SKAP2: variants seen among roughly 807,000 people sequenced by gnomAD.
SKAP2 encodes the protein src kinase-associated phosphoprotein 2.
Under a neutral mutation model 54.9 loss-of-function variants are expected in SKAP2, and 28 were observed. The ratio of observed to expected loss-of-function variants is 0.51; its 90% CI spans 0.38 to 0.70. The LOEUF (loss-of-function observed/expected upper bound fraction) is 0.70. SKAP2 is among the 30% of genes least tolerant of loss of function. SKAP2 has a pLI of 0.00. For synonymous variants in SKAP2, 137 were observed against 134.3 expected (o/e 1.02, Z -0.14); for missense variants, 356 against 424.1 (o/e 0.84, Z 1.41).
downstream of SKAP2, among the ~76,000 whole-genome samples, chr7:26,665,276 G>A (rs1786085756): frequency 6.6e-6 from 1 of 152,152 alleles, no homozygotes; most frequent in South Asian, 2.1e-4. Context: ...CTTATTTGAG[G>A]TCACAACACT....
chr7:26,662,461 AC>A (rs749857408), downstream of SKAP2, among the ~76,000 whole-genome samples: 1 of 152,100 alleles, frequency 6.6e-6, no homozygotes, highest in Non-Finnish European at 1.5e-5. Context: ...TAAGAACTGT[AC>A]CAAGGTAAGG....
At chr7:26,690,451 A>C in intron 9 of SKAP2, 89 bp from the exon 10 acceptor site, 4 of 774,054 alleles carry the variant, frequency 5.2e-6, no homozygotes, top group Non-Finnish European at 6.7e-6. Flanking sequence ...CAAAACTAAA[A>C]GTTTATAACA....
At chr7:26,739,029 C>T (rs1201059825) in intron 5 of SKAP2, 151 bp from the exon 6 acceptor site, 7 of 630,000 alleles carry the variant, frequency 1.1e-5, no homozygotes, top group African/African-American at 7.4e-5. Flanking sequence ...CAACAACAAA[C>T]CAACACAGCT....
chr7:26,727,116 T>C (rs1055142112), intron 6 of SKAP2, 110 bp from the exon 7 acceptor site: 1 of 818,250 alleles, frequency 1.2e-6, no homozygotes, highest in Non-Finnish European at 1.9e-6. Flanking sequence ...TTTGGTCATA[T>C]TGCTTTAGTA....
At chr7:26,688,743 T>C (rs1399697675) in intron 10 of SKAP2, among the ~76,000 whole-genome samples, 1 of 152,158 alleles carries the variant, frequency 6.6e-6, no homozygotes, top group Non-Finnish European at 1.5e-5. Flanking sequence ...GGCAAAAATT[T>C]GGGAGATGTT....
At position 26,739,888 on chromosome 7, in the gene SKAP2, T is replaced by G. The variant is rs1209596632; in HGVS notation, c.384A>C (p.Lys128Asn). Reference sequence around the variant, plus strand: ...TTTTCATTAGAACCTTCAGTTTACCTTTTCTGCGTTTTTCAAGGTAGCCAG... The same window carrying G: ...TTTTCATTAGAACCTTCAGTTTACCGTTTCTGCGTTTTTCAAGGTAGCCAG... ...LKAGYLEKRR[K>N]DHSFLGFEWQ... The change falls in exon 5 of 13, where the codon AAA (lysine) becomes AAC (asparagine). Residue 128 changes from lysine to asparagine, a missense_variant and splice_region_variant. Transcript: ENST00000345317. 10 of 1,605,142 alleles carry G rather than the reference T, an allele frequency of 6.2e-6. No homozygotes were observed. Among genetic ancestry groups the G allele is most frequent in the Non-Finnish European group, 6.0e-6 (7 of 1,173,906 alleles).
At chr7:26,699,780 T>C (rs1786983093) in intron 9 of SKAP2, among the ~76,000 whole-genome samples, 1 of 152,162 alleles carries the variant, frequency 6.6e-6, no homozygotes, top group South Asian at 2.1e-4. Context: ...TCTAGGGTAG[T>C]TTTAGTTAAA....
chr7:26,754,869 A>T (rs912719923), intron 4 of SKAP2, among the ~76,000 whole-genome samples: 4 of 152,210 alleles, frequency 2.6e-5, no homozygotes, highest in Admixed American at 2.6e-4. Flanking sequence ...TTTGCTCATA[A>T]ATATGTGAAA....
chr7:26,833,504 T>TACAAAGACATA (rs1250827110), intron 4 of SKAP2, among the ~76,000 whole-genome samples: 4 of 149,068 alleles, frequency 2.7e-5, no homozygotes, highest in Non-Finnish European at 5.9e-5. Context: ...ATACAAAGGG[T>TACAAAGACATA]CAAAATAAAG....
chr7:26,734,915 G>A (rs753449187), intron 6 of SKAP2, among the ~76,000 whole-genome samples: 1 of 152,136 alleles, frequency 6.6e-6, no homozygotes, highest in Admixed American at 6.5e-5. Flanking sequence ...TCACACCATA[G>A]CATTCAACCA....
intron 4 of SKAP2, among the ~76,000 whole-genome samples, chr7:26,743,747 A>G (rs1279511651): frequency 6.6e-6 from 1 of 152,234 alleles, no homozygotes. Flanking sequence ...ACAACTAAGC[A>G]AGGAATGGGT....
intron 4 of SKAP2, among the ~76,000 whole-genome samples, chr7:26,803,947 T>C (rs908803225): frequency 6.6e-6 from 1 of 151,946 alleles, no homozygotes; most frequent in Non-Finnish European, 1.5e-5. Flanking sequence ...ACACGGAGTG[T>C]AGAGGATGGT....
At chr7:26,810,136 GACCAGACTAGCCA>G (rs1251850637) in intron 4 of SKAP2, among the ~76,000 whole-genome samples, 1 of 152,074 alleles carries the variant, frequency 6.6e-6, no homozygotes, top group African/African-American at 2.4e-5. Flanking sequence ...AGGAGTTCAA[GACCAGACTAGCCA>G]ACCTGGCAAG....
At chr7:26,674,929 G>A (rs190774904) in intron 11 of SKAP2, among the ~76,000 whole-genome samples, 160 of 152,300 alleles carry the variant, frequency 1.1e-3, no homozygotes, top group African/African-American at 3.8e-3. Flanking sequence ...TCAGACTGGT[G>A]ATTCGCAGAT....
chr7:26,708,431 T>C (rs1284392192), intron 9 of SKAP2, among the ~76,000 whole-genome samples: 1 of 152,188 alleles, frequency 6.6e-6, no homozygotes, highest in Non-Finnish European at 1.5e-5. Flanking sequence ...GTCTTTTTCT[T>C]ATTAACTCTT....
intron 6 of SKAP2, among the ~76,000 whole-genome samples, chr7:26,731,022 A>G (rs1317015285): frequency 6.6e-6 from 1 of 152,156 alleles, no homozygotes; most frequent in Non-Finnish European, 1.5e-5. Flanking sequence ...ACTTTAACCA[A>G]TTTGCTCACG....
At chr7:26,739,035 C>T (rs956812536) in intron 5 of SKAP2, among the ~76,000 whole-genome samples, 157 bp from the exon 6 acceptor site, 1 of 152,166 alleles carries the variant, frequency 6.6e-6, no homozygotes, top group African/African-American at 2.4e-5. Context: ...CAAACCAACA[C>T]AGCTAAAGGG....
At chr7:26,827,279 T>C (rs749028731) in intron 4 of SKAP2, among the ~76,000 whole-genome samples, 8 of 152,184 alleles carry the variant, frequency 5.3e-5, no homozygotes, top group Non-Finnish European at 7.4e-5. Flanking sequence ...TATGGCATTA[T>C]ATGTTTCCGC....
chr7:26,848,343 T>C (rs917380678), intron 3 of SKAP2, among the ~76,000 whole-genome samples: 4 of 152,146 alleles, frequency 2.6e-5, no homozygotes, highest in African/African-American at 9.7e-5. Context: ...TCCAAAATGT[T>C]CCAAAATCCA....
Sources: allele counts gnomAD v4.1 joint callset (sites outside exome capture counted in the v4.1 genomes callset), GRCh38; gene constraint gnomAD v4.1.1; transcripts MANE v1.5; gene names NCBI Gene and HGNC (gene_info 2026-07-23, HGNC 2026-07-21).